PTPRH: variants seen among roughly 807,000 people sequenced by gnomAD.
The protein encoded by PTPRH is protein tyrosine phosphatase receptor type H.
Under a neutral mutation model 130.2 loss-of-function variants are expected in PTPRH, and 113 were observed. The ratio of observed to expected loss-of-function variants is 0.87; its 90% CI spans 0.75 to 1.01. The LOEUF is 1.01. Ranked by LOEUF, PTPRH falls within the 50% of genes least tolerant of loss-of-function variation. The pLI, the probability that PTPRH is intolerant of heterozygous loss-of-function variation, is 0.00. For synonymous variants in PTPRH, 556 were observed against 577.9 expected (o/e 0.96, Z 0.54); for missense variants, 1,430 against 1,425.0 (o/e 1.00, Z -0.06).
At chr19:55,195,840 G>A (rs1265946457) in intron 10 of PTPRH, among the ~76,000 whole-genome samples, 1 of 152,062 alleles carries the variant, frequency 6.6e-6, no homozygotes, top group East Asian at 1.9e-4. Flanking sequence ...CAAAGTGCTG[G>A]GATTCCAGGC....
At chr19:55,207,093 C>T (rs532630298) in intron 2 of PTPRH, 73 bp downstream of exon 2, 18 of 1,592,852 alleles carry the variant, frequency 1.1e-5, no homozygotes, top group Non-Finnish European at 1.5e-5. Context: ...CCCACGGGGA[C>T]CCCCCAGAGG....
At position 55,200,874 on chromosome 19, in the gene PTPRH, C is replaced by T. The variant is rs191027316; in HGVS notation, c.1154-372G>A. 3.2e-3 allele frequency among the ~76,000 whole-genome samples: 480 copies of T among 151,694 alleles called. 2 individuals carry two copies. Among genetic ancestry groups the T allele is most frequent in the Middle Eastern group, 0.017 (5 of 294 alleles). ...AGGAGAATGGCGTGAACCCGGGAGGCGGAGCTTGCAGTGAGCCGAGATCGC... is the reference window on the plus strand; with the variant it reads ...AGGAGAATGGCGTGAACCCGGGAGGTGGAGCTTGCAGTGAGCCGAGATCGC... On this transcript the variant is annotated intron_variant, in intron 6 of 19. Coordinates refer to ENST00000376350, the MANE Select transcript of PTPRH (RefSeq NM_002842.5).
chr19:55,198,653 A>G lies in PTPRH; in HGVS notation c.1680T>C (p.Thr560=), dbSNP rs2288518. 0.055 allele frequency: 87,663 copies of G among 1,604,464 alleles called. 7,547 individuals are homozygous for G. Among genetic ancestry groups the G allele is most frequent in the Admixed American group, 0.35 (20,905 of 58,926 alleles). ...NEVRGYNSTL[T]AATAPNEVTD... Reference sequence around the variant, plus strand: ...CCGACTGTGTCTCACCAGTGGCTGCAGTGAGGGTGCTGTTATAGCCTCTGA... The same window carrying G: ...CCGACTGTGTCTCACCAGTGGCTGCGGTGAGGGTGCTGTTATAGCCTCTGA... Residue 560 remains threonine, a synonymous_variant, in exon 8 of 20, where the codon ACT becomes ACC. Coordinates refer to ENST00000376350, the MANE Select transcript of PTPRH (RefSeq NM_002842.5).
chr19:55,197,065 G>A, intron 9 of PTPRH, 52 bp downstream of exon 9: 1 of 1,581,768 alleles, frequency 6.3e-7, no homozygotes, highest in African/African-American at 1.3e-5. Context: ...AGCTCGCAAG[G>A]ACTGTGAGCT....
chr19:55,187,996 G>A (rs537957308), intron 13 of PTPRH, 82 bp downstream of exon 13: 43 of 814,140 alleles, frequency 5.3e-5, no homozygotes, highest in African/African-American at 4.6e-4. Context: ...CCCGAAAGCC[G>A]TGAGGTCTGG....
Position 55,198,790 on chromosome 19 carries a change from C to T in PTPRH, c.1543G>A (p.Glu515Lys), listed in dbSNP as rs1233079827. 8.7e-6 allele frequency: 14 copies of T among 1,613,230 alleles called. No individual in the cohort carries two copies. Among genetic ancestry groups the T allele is most frequent in the Non-Finnish European group, 1.2e-5 (14 of 1,179,588 alleles). ...TGGGTCCTGGGGTCAGTCATGCCTT[C>T]CCTGACCCATGAGACCCAGTAGCTG... ...SYSYWVSWVR[E>K]GMTDPRTQST... The change falls in exon 8 of 20, where the codon GAA (glutamate) becomes AAA (lysine). Residue 515 changes from glutamate (E) to lysine (K), a missense_variant. Coordinates refer to ENST00000376350, the MANE Select transcript of PTPRH (RefSeq NM_002842.5).
rs760839481 is a variant in PTPRH, at chr19:55,186,468, A to G, written c.2639T>C (p.Met880Thr). 3.7e-6 allele frequency: 6 copies of G among 1,600,492 alleles called. No individual in the cohort carries two copies. The highest frequency in any genetic ancestry group is 5.1e-6 in the Non-Finnish European group (6 of 1,176,126). Residue 880 changes from methionine (M) to threonine (T), a missense_variant, in exon 15 of 20, where the codon ATG (methionine) becomes ACG (threonine). Met to Thr is a moderately conservative substitution (Grantham distance 81, BLOSUM62 -1). Transcript: ENST00000376350. ...PGSDYINASFMPGLWSPQEFI... is the reference protein window; with the variant it reads ...PGSDYINASFTPGLWSPQEFI... The stretch of plus-strand genomic sequence containing the variant: ...CAATCCCAACCACGACCTTACGGGC[A>G]TGAAGCTGGCATTGATGTAGTCAGA...
chr19:55,182,357 CTT>C (rs1047940232), intron 18 of PTPRH, among the ~76,000 whole-genome samples: 1 of 152,180 alleles, frequency 6.6e-6, no homozygotes, highest in African/African-American at 2.4e-5. Flanking sequence ...AAAACCGTCT[CTT>C]CTAAAAATGC....
chr19:55,185,257 T>C (rs562156011), intron 18 of PTPRH, among the ~76,000 whole-genome samples: 8 of 152,308 alleles, frequency 5.3e-5, no homozygotes, highest in African/African-American at 1.4e-4. Flanking sequence ...CCTCCCAAAG[T>C]GCTAGGATTT....
At chr19:55,187,344 C>CAAAA (rs58124409) in intron 14 of PTPRH, among the ~76,000 whole-genome samples, 169 bp downstream of exon 14, 3 of 45,228 alleles carry the variant, frequency 6.6e-5, no homozygotes, top group Admixed American at 5.3e-4. Flanking sequence ...GACTCCGTCT[C>CAAAA]AAAAAAAAAA....
intron 18 of PTPRH, among the ~76,000 whole-genome samples, chr19:55,182,494 G>A (rs2086206636): frequency 6.6e-6 from 1 of 152,136 alleles, no homozygotes; most frequent in South Asian, 2.1e-4. Flanking sequence ...CTGCACTCCA[G>A]CCTGGGCGAC....
rs1227540450 is a variant in PTPRH, at chr19:55,206,775, A to G, written c.266T>C (p.Leu89Pro). 1 of 1,614,148 alleles carries G rather than the reference A, an allele frequency of 6.2e-7. No individual in the cohort carries two copies. The highest frequency in any genetic ancestry group is 2.2e-5 in the East Asian group (1 of 44,882). The change falls in exon 3 of 20, where the codon CTT (leucine) becomes CCT (proline). Residue 89 changes from leucine (L) to proline (P), a missense_variant. Physicochemically the swap from Leu to Pro is moderately conservative, Grantham distance 98. Transcript: ENST00000376350. ...TTATNVTVDG[L>P]GPGSLYTCSV... ...ACACGTATACAATGACCCGGGTCCAAGGCCATCCACGGTGACGTTGGTGGC... is the reference window on the plus strand; with the variant it reads ...ACACGTATACAATGACCCGGGTCCAGGGCCATCCACGGTGACGTTGGTGGC...
intron 18 of PTPRH, among the ~76,000 whole-genome samples, chr19:55,183,318 C>G (rs1247405670): frequency 1.3e-5 from 2 of 150,194 alleles, no homozygotes; most frequent in Admixed American, 6.6e-5. Flanking sequence ...GCAAGGGAAT[C>G]ACTTGAACCC....
Position 55,209,343 on chromosome 19 carries a change from T to A in PTPRH, c.51+40A>T. ...GCTCCTTCTCCCTCAGACCTGGGAG[T>A]CCCTGCCTTGGGAGCCCGCTCTGGG... On this transcript the variant is annotated intron_variant, in intron 1 of 19. Coordinates refer to ENST00000376350, the MANE Select transcript of PTPRH (RefSeq NM_002842.5). The surrounding 1 kb of genome is among the most constrained non-coding windows in gnomAD (Gnocchi z 4.1). 1 of 1,547,350 alleles carries A rather than the reference T, an allele frequency of 6.5e-7. No homozygotes were observed. The highest frequency in any genetic ancestry group is 2.4e-5 in the East Asian group (1 of 41,396).
At chr19:55,188,977 C>G (rs536150087) in intron 12 of PTPRH, among the ~76,000 whole-genome samples, 3 of 152,250 alleles carry the variant, frequency 2.0e-5, no homozygotes, top group Non-Finnish European at 2.9e-5. Context: ...TGTAGTTTCA[C>G]TTTCTTTCTT....
intron 16 of PTPRH, 56 bp downstream of exon 16, chr19:55,186,169 G>T: frequency 6.3e-7 from 1 of 1,579,146 alleles, no homozygotes; most frequent in South Asian, 1.2e-5. Flanking sequence ...TACATTGGAT[G>T]AGTGTTCGGG....
rs2086641120 is a variant in PTPRH at position 55,194,946 on chromosome 19, G to C, written c.2257+1576C>G. On this transcript the variant is annotated intron_variant, in intron 10 of 19. Coordinates refer to ENST00000376350, the MANE Select transcript of PTPRH (RefSeq NM_002842.5). ...CTCACACCTGTAATCCCAACACTTT[G>C]GGAGGAGGAGCCAGGAGGATTACTT... 2.0e-5 allele frequency among the ~76,000 whole-genome samples: 3 copies of C among 152,162 alleles called. No homozygotes were observed. The South Asian group carries it at 6.2e-4, about 32-fold the overall frequency.
intron 8 of PTPRH, among the ~76,000 whole-genome samples, chr19:55,197,740 G>T (rs915884377): frequency 2.0e-5 from 3 of 152,132 alleles, no homozygotes; most frequent in Non-Finnish European, 2.9e-5. Flanking sequence ...TGAAGTCATG[G>T]CCCCATGGTG....
rs2086689131 is a variant in PTPRH at position 55,196,643 on chromosome 19, A to G, written c.2136T>C (p.Cys712=). Residue 712 remains cysteine, a synonymous_variant, in exon 10 of 20, where the codon TGT becomes TGC. Transcript: ENST00000376350. ...GQRGSQDRSS[C]GEAVSVLGLG... is the part of the protein sequence containing the mutation. Reference sequence around the variant, plus strand: ...GACCCAACACAGACACAGCCTCCCCACATGAAGATCTGTCCTGGGAGCCCC... The same window carrying G: ...GACCCAACACAGACACAGCCTCCCCGCATGAAGATCTGTCCTGGGAGCCCC... 1 of 1,613,802 alleles carries G rather than the reference A, an allele frequency of 6.2e-7. No individual in the cohort carries two copies. The highest frequency in any genetic ancestry group is 8.5e-7 in the Non-Finnish European group (1 of 1,179,980).
Sources: allele counts gnomAD v4.1 joint callset (sites outside exome capture counted in the v4.1 genomes callset), GRCh38; gene constraint gnomAD v4.1.1; non-coding constraint Gnocchi (gnomAD v3.1); transcripts MANE v1.5; gene names NCBI Gene and HGNC (gene_info 2026-07-23, HGNC 2026-07-21).